CNTN6: variants seen among roughly 807,000 people sequenced by gnomAD.
The protein encoded by CNTN6 is contactin-6.
CNTN6 carries 137 observed loss-of-function variants against 122.8 expected under a neutral mutation model. The observed-to-expected ratio is 1.12, with a 90% confidence interval of 0.97 to 1.29. The LOEUF (loss-of-function observed/expected upper bound fraction) is 1.29, where lower values mean the gene tolerates loss of function less well. Among genes scored for constraint, CNTN6 ranks in the 50% most tolerant of loss-of-function variants. The pLI is 0.00. For missense variants in CNTN6, 1,634 were observed against 1,223.4 expected (o/e 1.34, Z -5.01); for synonymous variants, 570 against 426.0 (o/e 1.34, Z -4.16).
rs755211907 is a variant in CNTN6, at chr3:1,277,434, A to G, written c.359-979A>G. ...GAGTACAGTGGCGCAATCTCGGCTC[A>G]TTGCAACCTCTGCCTCCTGGGTTCA... On this transcript the variant is annotated intron_variant, in intron 4 of 22. Coordinates refer to ENST00000446702, the MANE Select transcript of CNTN6 (RefSeq NM_001289080.2). 1.9e-3 allele frequency among the ~76,000 whole-genome samples: 258 copies of G among 137,834 alleles called. 4 individuals are homozygous for G. The highest frequency in any genetic ancestry group is 2.0e-3 in the African/African-American group (71 of 35,408). 90.4% of individuals were successfully genotyped at this position (137,834 alleles called of 152,430 possible).
At chr3:1,124,094 G>C (rs1325738801) in intron 1 of CNTN6, among the ~76,000 whole-genome samples, 3 of 151,928 alleles carry the variant, frequency 2.0e-5, no homozygotes, top group African/African-American at 4.8e-5. Flanking sequence ...GGTGATTTTG[G>C]CTCCCAGTTT....
chr3:1,168,474 C>T (rs959354252), intron 2 of CNTN6, among the ~76,000 whole-genome samples: 1 of 150,546 alleles, frequency 6.6e-6, no homozygotes, highest in East Asian at 2.0e-4. Flanking sequence ...GGGACACTTG[C>T]CCGTCACTGC....
Position 1,372,909 on chromosome 3 carries a change from A to G in CNTN6, c.1740A>G (p.Gln580=). ...HHSGKYLCTV[Q]TTLESLSAVA... ...CAGGAAAATATCTCTGCACAGTACAAACAACCCTAGAAAGTTTATCTGCAG... is the reference window on the plus strand; with the variant it reads ...CAGGAAAATATCTCTGCACAGTACAGACAACCCTAGAAAGTTTATCTGCAG... Residue 580 remains glutamine (Q), a synonymous_variant, in exon 14 of 23, where the codon CAA becomes CAG. Transcript: ENST00000446702. 2 of 1,609,496 alleles carry G rather than the reference A, an allele frequency of 1.2e-6. No individual in the cohort carries two copies. The highest frequency in any genetic ancestry group is 1.3e-5 in the African/African-American group (1 of 74,834).
At chr3:1,225,504 T>G (rs2125542312) in intron 3 of CNTN6, among the ~76,000 whole-genome samples, 1 of 152,294 alleles carries the variant, frequency 6.6e-6, no homozygotes, top group South Asian at 2.1e-4. Flanking sequence ...ATGACAGCGG[T>G]TATTTCAGTG....
chr3:1,326,242 G>A (rs991823880), intron 9 of CNTN6, among the ~76,000 whole-genome samples: 3 of 151,686 alleles, frequency 2.0e-5, no homozygotes, highest in Non-Finnish European at 4.4e-5. Context: ...TCATCGACAC[G>A]GATAACACTT....
intron 5 of CNTN6, among the ~76,000 whole-genome samples, chr3:1,289,832 G>A (rs1487250787): frequency 6.6e-6 from 1 of 151,958 alleles, no homozygotes. Flanking sequence ...CCAACACCAC[G>A]CCCAGCTAAT....
intron 4 of CNTN6, among the ~76,000 whole-genome samples, chr3:1,265,752 T>C (rs974891086): frequency 1.3e-5 from 2 of 152,210 alleles, no homozygotes; most frequent in African/African-American, 4.8e-5. Flanking sequence ...TCTCCTGATA[T>C]GCCATGTCCT....
intron 4 of CNTN6, among the ~76,000 whole-genome samples, chr3:1,228,276 G>A (rs184847865): frequency 4.6e-5 from 7 of 152,212 alleles, no homozygotes; most frequent in Admixed American, 4.6e-4. Flanking sequence ...TTAAGATAAA[G>A]ATGTATGATA....
chr3:1,385,918 G>A (rs1692833247), intron 20 of CNTN6, 121 bp downstream of exon 20: 3 of 940,432 alleles, frequency 3.2e-6, no homozygotes. Context: ...TTGGTTAGTT[G>A]GTTTGTCCCT....
intron 1 of CNTN6, among the ~76,000 whole-genome samples, chr3:1,122,846 A>G (rs1414206568): frequency 6.6e-6 from 1 of 151,778 alleles, no homozygotes; most frequent in East Asian, 1.9e-4. Context: ...TTGTTAGTTG[A>G]GCATTTGGGC....
chr3:1,229,846 C>T (rs2094331773), intron 4 of CNTN6, among the ~76,000 whole-genome samples: 1 of 152,104 alleles, frequency 6.6e-6, no homozygotes, highest in Non-Finnish European at 1.5e-5. Flanking sequence ...TCTTGAAAAG[C>T]ATTTCTATTA....
At chr3:1,296,645 T>C (rs1474654802) in intron 6 of CNTN6, among the ~76,000 whole-genome samples, 1 of 152,142 alleles carries the variant, frequency 6.6e-6, no homozygotes, top group Non-Finnish European at 1.5e-5. Context: ...ATAACAGAAT[T>C]GTGGAACAAG....
intron 4 of CNTN6, among the ~76,000 whole-genome samples, chr3:1,276,015 A>T (rs192581458): frequency 2.4e-4 from 36 of 152,348 alleles, no homozygotes; most frequent in African/African-American, 8.4e-4. Context: ...CCTCTAAACA[A>T]TACCAATAAT....
At chr3:1,125,598 TAGA>T (rs1400468784) in intron 1 of CNTN6, among the ~76,000 whole-genome samples, 1 of 151,796 alleles carries the variant, frequency 6.6e-6, no homozygotes, top group Non-Finnish European at 1.5e-5. Context: ...TGTAAAATGA[TAGA>T]AGAACTAGTT....
At chr3:1,157,299 C>A (rs1559417777) in intron 2 of CNTN6, among the ~76,000 whole-genome samples, 1 of 151,910 alleles carries the variant, frequency 6.6e-6, no homozygotes, top group Non-Finnish European at 1.5e-5. Flanking sequence ...CTCACTGCAA[C>A]CTCTGCCTCC....
chr3:1,361,460 A>T (rs1707454036), intron 12 of CNTN6, among the ~76,000 whole-genome samples: 1 of 152,104 alleles, frequency 6.6e-6, no homozygotes, highest in Admixed American at 6.6e-5. Context: ...GTGCAATACT[A>T]ATTAAATGGT....
intron 5 of CNTN6, among the ~76,000 whole-genome samples, chr3:1,279,312 C>T (rs558738010): frequency 6.6e-6 from 1 of 152,310 alleles, no homozygotes; most frequent in South Asian, 2.1e-4. Context: ...TGATTCTCAA[C>T]TCACAGTGAA....
chr3:1,332,323 C>T (rs1028646498), intron 11 of CNTN6, among the ~76,000 whole-genome samples: 1 of 152,046 alleles, frequency 6.6e-6, no homozygotes, highest in African/African-American at 2.4e-5. Flanking sequence ...GCCATCTGAT[C>T]GACTGGCTTT....
At chr3:1,386,130 T>TTGAG (rs1474411062) in intron 20 of CNTN6, among the ~76,000 whole-genome samples, 3 of 152,198 alleles carry the variant, frequency 2.0e-5, no homozygotes, top group Admixed American at 1.3e-4. Context: ...GTATTTATCT[T>TTGAG]TGAGTCTCAG....
Sources: gnomAD v4.1 joint callset for allele counts (sites outside exome capture counted in the v4.1 genomes callset) on GRCh38, gnomAD v4.1.1 for gene constraint, MANE v1.5 for transcripts, NCBI Gene and HGNC (gene_info 2026-07-23, HGNC 2026-07-21) for gene names.